Variants in MYO15B observed in about 807,000 individuals in gnomAD.
The protein encoded by MYO15B is myosin XVB, also known as myosin XVB pseudogene.
MYO15B carries 207 observed loss-of-function variants against 119.3 expected under a neutral mutation model. That is an observed-to-expected ratio of 1.73 (90% confidence interval 1.55 to 1.95). MYO15B has a LOEUF of 1.95. MYO15B is among the 30% of genes most tolerant of loss of function. The pLI, the probability that MYO15B is intolerant of heterozygous loss-of-function variation, is 0.00. For missense variants in MYO15B, 2,264 were observed against 1,203.1 expected (o/e 1.88, Z -13.04); for synonymous variants, 966 against 498.9 (o/e 1.94, Z -12.48).
At chr17:75,600,716 G>A (rs2057221928) in intron 14 of MYO15B, 1 of 150,226 alleles carries the variant, frequency 6.7e-6, no homozygotes, top group Admixed American at 6.7e-5. Flanking sequence ...TTCCTGAGTA[G>A]CTGGGATTAC....
chr17:75,597,299 C>T (rs1283431559), intron 14 of MYO15B, among the ~76,000 whole-genome samples: 1 of 152,198 alleles, frequency 6.6e-6, no homozygotes. Context: ...CCCAGGGTAC[C>T]ATGTCCCCCA....
rs1390156652 is a variant in MYO15B at position 75,605,490 on chromosome 17, C to T, written c.4017-14C>T. The T allele has an allele frequency of 2.8e-6, 2 of 702,412 alleles. No individual in the cohort carries two copies. The highest frequency in any genetic ancestry group is 3.0e-5 in the South Asian group (2 of 67,574). The allele number at this position is 702,412 out of a possible 1,614,324, so 43.5% of individuals were successfully genotyped here. A position where few individuals can be genotyped will look rare whatever the true frequency, so the allele number is the denominator to read the frequency against. On this transcript the variant is annotated splice_polypyrimidine_tract_variant and intron_variant, in intron 19 of 63. Transcript: ENST00000645453. Reference sequence around the variant, plus strand: ...GTTCTGGCTATTCTGATCTCAGCTCCATCCTTGGAGCAGCTTCCAGGCCCT... The same window carrying T: ...GTTCTGGCTATTCTGATCTCAGCTCTATCCTTGGAGCAGCTTCCAGGCCCT...
At chr17:75,616,200 G>T (rs974691860) in intron 37 of MYO15B, 53 bp downstream of exon 37, 86 of 573,890 alleles carry the variant, frequency 1.5e-4, no homozygotes, top group African/African-American at 1.5e-3. Context: ...AGTGCCCCTG[G>T]CCCGGGCCAG....
exon 25 of MYO15B, chr17:75,612,013 T>A (rs1357992638): frequency 1.1e-5 from 8 of 702,966 alleles, no homozygotes; most frequent in Non-Finnish European, 2.1e-5. Context: ...CCATCGGCTT[T>A]CAGGTGGGCG....
chr17:75,588,492 C>A (rs959165378), exon 1 of MYO15B: 5 of 398,396 alleles, frequency 1.3e-5, no homozygotes, highest in East Asian at 1.1e-4. Flanking sequence ...CGCCCAGGAG[C>A]CTCAATGGGG....
chr17:75,603,207 T>C (rs762553669), exon 19 of MYO15B: 1 of 702,966 alleles, frequency 1.4e-6, no homozygotes, highest in Non-Finnish European at 2.6e-6. Context: ...CTCTTTGACG[T>C]GGGACATGTG....
chr17:75,596,453 CCCCCAGG>C lies in MYO15B; in HGVS notation c.3298-3_3301del. 1 of 702,928 alleles carries C rather than the reference CCCCCAGG, an allele frequency of 1.4e-6. No homozygotes were observed. The highest frequency in any genetic ancestry group is 2.0e-5 in the Admixed American group (1 of 50,018). The allele number at this position is 702,928 out of a possible 1,614,324, so 43.5% of individuals were successfully genotyped here. A position where few individuals can be genotyped will look rare whatever the true frequency, so the allele number is the denominator to read the frequency against. On this transcript the variant is annotated splice_acceptor_variant and splice_polypyrimidine_tract_variant and coding_sequence_variant and intron_variant, in exon 13 of 64. Transcript: ENST00000645453. LOFTEE classifies it high-confidence loss of function. Reference sequence around the variant, plus strand: ...CATGTGCCCACCTCACTGCCACATGCCCCCAGGCCCTGCGGGTGAATGGCCTGGAGCA... The same window carrying C: ...CATGTGCCCACCTCACTGCCACATGCCCCTGCGGGTGAATGGCCTGGAGCA...
Position 75,589,751 on chromosome 17 carries a change from C to A in MYO15B, c.1694C>A (p.Ala565Glu). 1 of 398,528 alleles carries A rather than the reference C, an allele frequency of 2.5e-6. No individual in the cohort carries two copies. The allele number at this position is 398,528 out of a possible 1,614,324, so 24.7% of individuals were successfully genotyped here. The change falls in exon 1 of 64, where the codon GCG (alanine) becomes GAG (glutamate). Residue 565 changes from alanine to glutamate, a missense_variant. Transcript: ENST00000645453. The surrounding 1 kb of genome is among the most constrained non-coding windows in gnomAD (Gnocchi z 4.2). The stretch of plus-strand genomic sequence containing the variant: ...TCGAGCAGCCGCAGCTCTGAAGAAG[C>A]GTCCGCAGATGCCCCCACGGGGGAA...
exon 19 of MYO15B, chr17:75,603,304 C>T (rs757982611): frequency 2.8e-6 from 2 of 703,068 alleles, no homozygotes; most frequent in Non-Finnish European, 5.2e-6. Context: ...TTGAGGCCTT[C>T]CTGGCCAGGT....
chr17:75,588,391 G>A (rs1007687726), exon 1 of MYO15B: 43 of 398,472 alleles, frequency 1.1e-4, no homozygotes, highest in Non-Finnish European at 1.7e-4. Flanking sequence ...GCGCCTGGAG[G>A]AGGGAAGCCT....
At chr17:75,626,561 G>A in exon 64 of MYO15B, 1 of 698,710 alleles carries the variant, frequency 1.4e-6, no homozygotes, top group Non-Finnish European at 2.6e-6. Flanking sequence ...TGCCTTGGAT[G>A]CTATCAGATC....
chr17:75,608,738 G>A (rs960034030), intron 21 of MYO15B, among the ~76,000 whole-genome samples: 7 of 151,786 alleles, frequency 4.6e-5, no homozygotes, highest in Non-Finnish European at 1.0e-4. Flanking sequence ...TGTTGTTGTT[G>A]TTGTTTTTCT....
exon 50 of MYO15B, chr17:75,621,129 C>T (rs117500462): frequency 0.017 from 11,676 of 702,516 alleles, 143 homozygotes; most frequent in Admixed American, 0.023. Flanking sequence ...CCCACAGCTA[C>T]ACCATGCAGG....
At chr17:75,614,593 A>G (rs2148011264) in exon 31 of MYO15B, 1 of 700,836 alleles carries the variant, frequency 1.4e-6, no homozygotes, top group Non-Finnish European at 2.6e-6. Flanking sequence ...AGCCGAGGCC[A>G]TTCCCCTTGC....
chr17:75,615,354 G>A lies in MYO15B; in HGVS notation c.5740+16G>A, dbSNP rs1370802986. On this transcript the variant is annotated intron_variant, in intron 34 of 63. Coordinates refer to ENST00000645453, the Ensembl canonical transcript of MYO15B. ...GCCATGCCAGGTAAGTCTGGGCTGGGGGCACCAGAGTCCCTTCTCAGGAGA... is the reference window on the plus strand; with the variant it reads ...GCCATGCCAGGTAAGTCTGGGCTGGAGGCACCAGAGTCCCTTCTCAGGAGA... The A allele has an allele frequency of 7.1e-6, 5 of 700,772 alleles. No homozygotes were observed. The highest frequency in any genetic ancestry group is 1.3e-5 in the Non-Finnish European group (5 of 383,700). 43.4% of individuals were successfully genotyped at this position (700,772 alleles called of 1,614,324 possible).
At chr17:75,617,179 A>G (rs1407762003) in exon 41 of MYO15B, 3 of 692,916 alleles carry the variant, frequency 4.3e-6, no homozygotes, top group Non-Finnish European at 7.9e-6. Flanking sequence ...TCCATCAAGG[A>G]AAAGCAGGGG....
At chr17:75,613,354 G>T in exon 28 of MYO15B, 1 of 674,220 alleles carries the variant, frequency 1.5e-6, no homozygotes, top group Non-Finnish European at 2.7e-6. Context: ...GCTGCTGGGG[G>T]CCTTGGAGCA....
rs1004843753 is a variant in MYO15B at position 75,621,052 on chromosome 17, C to T, written c.7747C>T (p.Gln2583Ter). ...CCAGCGCCCTGCCCACCCTTGGAGC[C>T]AGGCACACAGTGACGACTCGGAGGC... The change falls in exon 50 of 64, where the codon CAG (glutamine) becomes TAG (stop). Residue 2583 changes from glutamine (Q) to a stop codon, truncating the protein, a stop_gained. Coordinates refer to ENST00000645453, the Ensembl canonical transcript of MYO15B. LOFTEE classifies it high-confidence loss of function. The T allele has an allele frequency of 1.4e-6, 1 of 702,768 alleles. No individual in the cohort carries two copies. Among genetic ancestry groups the T allele is most frequent in the Admixed American group, 2.0e-5 (1 of 50,002 alleles). 43.5% of individuals were successfully genotyped at this position (702,768 alleles called of 1,614,324 possible).
rs1433836805 is a variant in MYO15B, at chr17:75,612,778, A to T, written c.4636-20A>T. The stretch of plus-strand genomic sequence containing the variant: ...TCTGATAGCTGGTGAGCATGGACTG[A>T]GCCCTCTCCTTCCTTGCAGGAACCG... On this transcript the variant is annotated intron_variant, in intron 25 of 63. Coordinates refer to ENST00000645453, the Ensembl canonical transcript of MYO15B. 6 of 702,736 alleles carry T rather than the reference A, an allele frequency of 8.5e-6. No homozygotes were observed. The African/African-American group carries it at 1.0e-4, about 12-fold the overall frequency. The allele number at this position is 702,736 out of a possible 1,614,324, so 43.5% of individuals were successfully genotyped here.
Sources: gnomAD v4.1 joint callset for allele counts (sites outside exome capture counted in the v4.1 genomes callset) on GRCh38, gnomAD v4.1.1 for gene constraint, Gnocchi (gnomAD v3.1) non-coding constraint, MANE v1.5 for transcripts, NCBI Gene and HGNC (gene_info 2026-07-23, HGNC 2026-07-21) for gene names.